GNAQ: variants seen among roughly 807,000 people sequenced by gnomAD.
The protein encoded by GNAQ is guanine nucleotide-binding protein G(q) subunit alpha.
In GNAQ, 8 loss-of-function variants were observed where a neutral mutation model predicts 43.9. The ratio of observed to expected loss-of-function variants is 0.18; its 90% CI spans 0.11 to 0.33. GNAQ has a LOEUF of 0.33. GNAQ is among the 10% of genes least tolerant of loss of function. GNAQ has a pLI of 1.00. For synonymous variants in GNAQ, 155 were observed against 170.7 expected (o/e 0.91, Z 0.71); for missense variants, 158 against 450.8 (o/e 0.35, Z 5.88).
intron 1 of GNAQ, among the ~76,000 whole-genome samples, chr9:77,941,350 C>T (rs531622083): frequency 5.9e-5 from 9 of 151,906 alleles, no homozygotes; most frequent in South Asian, 2.1e-4. Context: ...CCTGGGTTCA[C>T]GCCATTCTCC....
At chr9:77,793,531 T>C (rs575665480) in intron 5 of GNAQ, among the ~76,000 whole-genome samples, 3 of 152,154 alleles carry the variant, frequency 2.0e-5, no homozygotes, top group Non-Finnish European at 4.4e-5. Context: ...AAAAATGTAC[T>C]GTATTAAAAG....
At chr9:77,848,231 C>T (rs1162335606) in intron 2 of GNAQ, among the ~76,000 whole-genome samples, 1 of 152,168 alleles carries the variant, frequency 6.6e-6, no homozygotes, top group Non-Finnish European at 1.5e-5. Context: ...CATCTATTAA[C>T]ACCAAATTCT....
rs372020403 is a variant in GNAQ at position 77,818,772 on chromosome 9, G to A, written c.322-3002C>T. ...CCTAGCACTTTGGGAGGCAGAGGCA[G>A]AAGGATCACTTGAGGCCAGGAGTTC... On this transcript the variant is annotated intron_variant, in intron 2 of 6. Coordinates refer to ENST00000286548, the MANE Select transcript of GNAQ (RefSeq NM_002072.5). Among the ~76,000 whole-genome samples, 11 of 152,186 alleles carry A rather than the reference G, an allele frequency of 7.2e-5. 1 individual carries two copies. Among genetic ancestry groups the A allele is most frequent in the Admixed American group, 6.5e-4 (10 of 15,300 alleles).
intron 1 of GNAQ, among the ~76,000 whole-genome samples, 183 bp downstream of exon 1, chr9:78,030,917 G>C (rs1587470105): frequency 6.6e-6 from 1 of 150,548 alleles, no homozygotes; most frequent in Admixed American, 6.6e-5. Flanking sequence ...GTGTGTGTGT[G>C]TGTCTGTGTG....
chr9:77,732,530 T>A (rs1825511145), intron 5 of GNAQ, among the ~76,000 whole-genome samples: 1 of 152,124 alleles, frequency 6.6e-6, no homozygotes, highest in South Asian at 2.1e-4. Context: ...CACACCTGGC[T>A]AATTTTTGTA....
Position 77,979,601 on chromosome 9 carries a change from G to C in GNAQ, c.136+51499C>G, listed in dbSNP as rs140592289. ...TAAGCTAATAAAAAGAACCTCTGAG[G>C]TCCCAAAGCCCCAGGGTGCATGCCC... On this transcript the variant is annotated intron_variant, in intron 1 of 6. Transcript: ENST00000286548. Among the ~76,000 whole-genome samples the C allele has an allele frequency of 3.5e-4, 53 of 152,126 alleles. No homozygotes were observed. In the East Asian group the frequency reaches 7.8e-3, roughly 22 times the overall value.
At chr9:77,941,727 AAAAT>A (rs1176456813) in intron 1 of GNAQ, among the ~76,000 whole-genome samples, 3 of 152,216 alleles carry the variant, frequency 2.0e-5, no homozygotes, top group Non-Finnish European at 2.9e-5. Context: ...AGGAATGGGT[AAAAT>A]AAATAACAGT....
intron 5 of GNAQ, among the ~76,000 whole-genome samples, chr9:77,764,433 GCATACT>G (rs1309647690): frequency 6.6e-6 from 1 of 151,878 alleles, no homozygotes; most frequent in East Asian, 1.9e-4. Context: ...CTGGACTCTA[GCATACT>G]CTATGATTCT....
intron 5 of GNAQ, among the ~76,000 whole-genome samples, chr9:77,751,507 C>T (rs1825809864): frequency 6.6e-6 from 1 of 152,038 alleles, no homozygotes; most frequent in Non-Finnish European, 1.5e-5. Context: ...CTTCAGAAAG[C>T]CCAGTAGAGA....
At chr9:77,969,475 A>AATAC (rs1823209864) in intron 1 of GNAQ, among the ~76,000 whole-genome samples, 1 of 152,254 alleles carries the variant, frequency 6.6e-6, no homozygotes, top group Admixed American at 6.5e-5. Context: ...GACATGGAAG[A>AATAC]ATACAATTAA....
At chr9:77,750,919 T>C (rs927120448) in intron 5 of GNAQ, among the ~76,000 whole-genome samples, 3 of 152,168 alleles carry the variant, frequency 2.0e-5, no homozygotes, top group Non-Finnish European at 2.9e-5. Context: ...ACAGTGAAAA[T>C]AGGCATTTAT....
intron 5 of GNAQ, among the ~76,000 whole-genome samples, chr9:77,757,437 CTAA>C (rs1192746272): frequency 2.6e-5 from 4 of 152,190 alleles, no homozygotes; most frequent in Non-Finnish European, 5.9e-5. Flanking sequence ...CTCAAATTGA[CTAA>C]GTCATTCGCT....
At chr9:77,761,284 G>C (rs1826011546) in intron 5 of GNAQ, among the ~76,000 whole-genome samples, 1 of 119,686 alleles carries the variant, frequency 8.4e-6, no homozygotes, top group African/African-American at 3.0e-5. Context: ...GGGGGGGTCA[G>C]CCCCCCGCCT....
At chr9:77,736,254 A>T (rs987833740) in intron 5 of GNAQ, among the ~76,000 whole-genome samples, 2 of 152,218 alleles carry the variant, frequency 1.3e-5, no homozygotes, top group African/African-American at 4.8e-5. Context: ...ATCTCTAAAG[A>T]TGCTCAATAC....
intron 1 of GNAQ, among the ~76,000 whole-genome samples, chr9:78,013,487 C>T (rs1170987982): frequency 1.3e-5 from 2 of 151,828 alleles, no homozygotes; most frequent in Non-Finnish European, 2.9e-5. Flanking sequence ...CAACAGGCCC[C>T]GGTTTGTGAT....
At chr9:77,890,553 G>A (rs1208634010) in intron 2 of GNAQ, among the ~76,000 whole-genome samples, 3 of 152,036 alleles carry the variant, frequency 2.0e-5, no homozygotes, top group Admixed American at 6.5e-5. Context: ...GAGAAACCCC[G>A]TCTCTACTAA....
At chr9:77,880,706 C>A (rs753865762) in intron 2 of GNAQ, among the ~76,000 whole-genome samples, 56 of 152,110 alleles carry the variant, frequency 3.7e-4, no homozygotes, top group Non-Finnish European at 5.4e-4. Context: ...AAACAATTTG[C>A]CTTCATCATG....
intron 2 of GNAQ, among the ~76,000 whole-genome samples, chr9:77,875,686 T>C (rs927733139): frequency 1.3e-5 from 2 of 152,204 alleles, no homozygotes; most frequent in Non-Finnish European, 2.9e-5. Context: ...GCCACAATCC[T>C]AAAGGCATCC....
At chr9:77,989,631 C>T (rs1434645174) in intron 1 of GNAQ, among the ~76,000 whole-genome samples, 1 of 152,174 alleles carries the variant, frequency 6.6e-6, no homozygotes, top group East Asian at 1.9e-4. Flanking sequence ...TGCTAAGGGC[C>T]TAAGGCAACA....
Sources: gnomAD v4.1 joint callset for allele counts (sites outside exome capture counted in the v4.1 genomes callset) on GRCh38, gnomAD v4.1.1 for gene constraint, MANE v1.5 for transcripts, NCBI Gene and HGNC (gene_info 2026-07-23, HGNC 2026-07-21) for gene names.